The following LINGO1 variants were observed in gnomAD, a reference collection of about 807,000 sequenced individuals.
The protein encoded by LINGO1 is leucine-rich repeat and immunoglobulin-like domain-containing nogo receptor-interacting protein 1.
A neutral mutation model predicts 37.3 loss-of-function variants in LINGO1; 11 were observed. The ratio of observed to expected loss-of-function variants is 0.29; its 90% CI spans 0.19 to 0.49. The LOEUF is 0.49. LINGO1 is among the 20% of genes least tolerant of loss of function. LINGO1 has a pLI of 0.99. For missense variants in LINGO1, 585 were observed against 878.2 expected (o/e 0.67, Z 4.22); for synonymous variants, 387 against 403.0 (o/e 0.96, Z 0.48).
chr15:77,705,850 C>T (rs563868777), intron 2 of LINGO1, among the ~76,000 whole-genome samples: 17 of 152,284 alleles, frequency 1.1e-4, no homozygotes, highest in African/African-American at 3.9e-4. Context: ...AAGACCACCA[C>T]GGTCACAATG....
chr15:77,641,579 C>T (rs1393203965), intron 3 of LINGO1, among the ~76,000 whole-genome samples: 4 of 152,154 alleles, frequency 2.6e-5, no homozygotes, highest in Admixed American at 6.5e-5. Context: ...AAGGGGCGGC[C>T]GGCCTCTTGG....
intron 2 of LINGO1, among the ~76,000 whole-genome samples, chr15:77,710,663 C>T (rs932242797): frequency 5.3e-5 from 8 of 152,214 alleles, no homozygotes; most frequent in Non-Finnish European, 1.0e-4. Flanking sequence ...TGCCGCGGTG[C>T]TGGCTTTTGT....
intron 1 of LINGO1, among the ~76,000 whole-genome samples, chr15:77,806,828 C>G (rs1481469609): frequency 6.6e-6 from 1 of 152,096 alleles, no homozygotes; most frequent in Non-Finnish European, 1.5e-5. Flanking sequence ...CATCTCCCCC[C>G]AGGCCGTGGT....
At chr15:77,785,723 TC>T (rs1345317976) in intron 1 of LINGO1, among the ~76,000 whole-genome samples, 1 of 152,024 alleles carries the variant, frequency 6.6e-6, no homozygotes, top group African/African-American at 2.4e-5. Flanking sequence ...TCTGTCACTC[TC>T]TCCCACCCCC....
intron 1 of LINGO1, among the ~76,000 whole-genome samples, chr15:77,624,418 C>A (rs959513549): frequency 6.6e-6 from 1 of 152,104 alleles, no homozygotes; most frequent in African/African-American, 2.4e-5. Flanking sequence ...CCTGGGTCAC[C>A]CTAGGCACGC....
At position 77,615,382 on chromosome 15, in the gene LINGO1, G is replaced by A. The variant is rs376093921; in HGVS notation, c.525C>T (p.Gly175=). 5.9e-5 allele frequency: 96 copies of A among 1,613,872 alleles called. No homozygotes were observed. Among genetic ancestry groups the A allele is most frequent in the South Asian group, 1.3e-4 (12 of 91,084 alleles). ...DLYNLKSLEV[G]DNDLVYISHR... ...GAGAGATGTAGACGAGGTCATTGTC[G>A]CCAACCTCCAGTGACTTGAGGTTGT... The change falls in exon 2 of 2, where the codon GGC becomes GGT. Residue 175 remains glycine, a synonymous_variant. Coordinates refer to ENST00000355300, the MANE Select transcript of LINGO1 (RefSeq NM_032808.7).
At position 77,743,141 on chromosome 15, in the gene LINGO1, C is replaced by T. The variant is rs552470705; in HGVS notation, c.-256-8088G>A. Among the ~76,000 whole-genome samples the T allele has an allele frequency of 2.0e-5, 3 of 152,272 alleles. No homozygotes were observed. In the East Asian group the frequency reaches 5.8e-4, roughly 29 times the overall value. ...TCCTGGGCTCCATGCTGCCTTGGCT[C>T]TCCGGACTACCCCCTACCCCATGCT... On this transcript the variant is annotated intron_variant, in intron 1 of 3. Coordinates refer to the LINGO1 transcript ENST00000561686.
At chr15:77,776,496 G>GGCAGGAAGGCAGGAAA (rs2076647994) in intron 1 of LINGO1, among the ~76,000 whole-genome samples, 23 of 85,640 alleles carry the variant, frequency 2.7e-4, no homozygotes, top group African/African-American at 7.9e-4. Flanking sequence ...AAAGCAGGAA[G>GGCAGGAAGGCAGGAAA]GCAGGAAGGC....
chr15:77,617,583 CTCCCACCCCT>C (rs1323409345), intron 1 of LINGO1, among the ~76,000 whole-genome samples: 5 of 152,228 alleles, frequency 3.3e-5, no homozygotes, highest in African/African-American at 1.2e-4. Context: ...TCAGGCCCTT[CTCCCACCCCT>C]TCCCACACCT....
At chr15:77,677,056 G>A (rs556885107) in intron 3 of LINGO1, 12 of 152,358 alleles carry the variant, frequency 7.9e-5, no homozygotes, top group African/African-American at 2.9e-4. Context: ...ACAGAAGCAT[G>A]AGGCAGGGTG....
At position 77,816,294 on chromosome 15, in the gene LINGO1, T is replaced by C. The variant is rs557050016; in HGVS notation, c.-458+3964A>G. On this transcript the variant is annotated intron_variant, in intron 1 of 5. Coordinates refer to the LINGO1 transcript ENST00000562933. ...TCTCAAGCCAGAAGATACCTCCAAA[T>C]GTGAAGCGAGGCTCCAGGCCATGGA... Among the ~76,000 whole-genome samples, 32 of 152,218 alleles carry C rather than the reference T, an allele frequency of 2.1e-4. No homozygotes were observed. In the South Asian group the frequency reaches 3.5e-3, roughly 17 times the overall value.
intron 1 of LINGO1, among the ~76,000 whole-genome samples, chr15:77,695,559 C>A (rs1261989957): frequency 6.6e-6 from 1 of 152,224 alleles, no homozygotes; most frequent in Non-Finnish European, 1.5e-5. Flanking sequence ...AGAGTGCTCC[C>A]CAATCATTAA....
chr15:77,701,654 C>T (rs2075784909), intron 2 of LINGO1, among the ~76,000 whole-genome samples: 2 of 152,158 alleles, frequency 1.3e-5, no homozygotes, highest in South Asian at 4.1e-4. Flanking sequence ...AGTTCTCACT[C>T]TATTAGTTCC....
At chr15:77,736,557 G>A (rs567386723) in intron 1 of LINGO1, among the ~76,000 whole-genome samples, 2 of 152,282 alleles carry the variant, frequency 1.3e-5, no homozygotes, top group South Asian at 2.1e-4. Context: ...GAGCCCAGGA[G>A]TTCAAGACCA....
upstream of LINGO1, chr15:77,696,499 C>T (rs1281634894): frequency 2.0e-5 from 3 of 152,364 alleles, no homozygotes; most frequent in Non-Finnish European, 4.4e-5. Context: ...TAATAATACC[C>T]GCCCGAAGGC....
rs568613409 is a variant in LINGO1, at chr15:77,692,545, TA to T, written c.-280-1645del. Among the ~76,000 whole-genome samples the T allele has an allele frequency of 2.4e-3, 367 of 152,284 alleles. 3 individuals carry two copies. Among genetic ancestry groups the T allele is most frequent in the African/African-American group, 8.3e-3 (345 of 41,562 alleles). On this transcript the variant is annotated intron_variant, in intron 1 of 3. Coordinates refer to the LINGO1 transcript ENST00000559893. ...AAAAAATAAGCACACAAACAAAAAT[TA>T]AAACTTATCAGATTGAAGTTGCGGA...
chr15:77,793,202 A>G (rs1184271147), intron 2 of LINGO1, among the ~76,000 whole-genome samples: 1 of 152,200 alleles, frequency 6.6e-6, no homozygotes, highest in African/African-American at 2.4e-5. Context: ...AAGGCTCCCC[A>G]GAGAGCAGAG....
intron 1 of LINGO1, among the ~76,000 whole-genome samples, chr15:77,809,185 G>A (rs1256927117): frequency 6.6e-6 from 1 of 152,216 alleles, no homozygotes; most frequent in African/African-American, 2.4e-5. Flanking sequence ...CCTCCCAGGG[G>A]GATGAGGAGC....
At chr15:77,797,327 T>C (rs900285710) in intron 1 of LINGO1, among the ~76,000 whole-genome samples, 1 of 152,228 alleles carries the variant, frequency 6.6e-6, no homozygotes, top group African/African-American at 2.4e-5. Context: ...AGGAGACACA[T>C]GCTTCTGGGG....
Sources: allele counts gnomAD v4.1 joint callset (sites outside exome capture counted in the v4.1 genomes callset), GRCh38; gene constraint gnomAD v4.1.1; transcripts MANE v1.5; gene names NCBI Gene and HGNC (gene_info 2026-07-23, HGNC 2026-07-21).